Variants in TRABD2B observed in about 807,000 individuals in gnomAD.
The protein encoded by TRABD2B is TraB domain containing 2B.
A neutral mutation model predicts 40.1 loss-of-function variants in TRABD2B; 14 were observed. That is an observed-to-expected ratio of 0.35 (90% CI 0.23 to 0.55). The LOEUF (loss-of-function observed/expected upper bound fraction) is 0.55, where lower values mean the gene tolerates loss of function less well. TRABD2B is among the 20% of genes least tolerant of loss of function. The pLI is 0.90. For synonymous variants in TRABD2B, 263 were observed against 277.0 expected, an observed-to-expected ratio of 0.95 and a Z score of 0.50; for missense variants, 541 against 648.6, an observed-to-expected ratio of 0.83 and a Z score of 1.80.
intron 3 of TRABD2B, among the ~76,000 whole-genome samples, chr1:47,798,846 C>T (rs888210541): frequency 2.6e-5 from 4 of 152,186 alleles, no homozygotes; most frequent in Non-Finnish European, 2.9e-5. Context: ...CAGACACAGC[C>T]CCACCTCCAA....
intron 6 of TRABD2B, among the ~76,000 whole-genome samples, chr1:47,767,073 C>G (rs1187194960): frequency 1.3e-5 from 2 of 152,060 alleles, no homozygotes; most frequent in Non-Finnish European, 2.9e-5. Flanking sequence ...CAGAGAGAGA[C>G]AGAGGCTAAC....
intron 2 of TRABD2B, among the ~76,000 whole-genome samples, chr1:47,989,297 G>T (rs1265457429): frequency 6.6e-6 from 1 of 152,214 alleles, no homozygotes; most frequent in Non-Finnish European, 1.5e-5. Flanking sequence ...TCAGAAGGGG[G>T]CTCCTTGCTG....
intron 6 of TRABD2B, among the ~76,000 whole-genome samples, chr1:47,772,398 G>T (rs1038543240): frequency 2.6e-5 from 4 of 151,866 alleles, no homozygotes; most frequent in African/African-American, 9.7e-5. Flanking sequence ...GTGAGGACAG[G>T]GGCAGCAGAC....
chr1:47,918,324 A>G (rs558252287), intron 2 of TRABD2B, among the ~76,000 whole-genome samples: 85 of 152,294 alleles, frequency 5.6e-4, no homozygotes, highest in Admixed American at 5.5e-3. Flanking sequence ...GAATAGGAAA[A>G]CATTAGCCAC....
At chr1:47,961,492 C>A (rs528357798) in intron 2 of TRABD2B, among the ~76,000 whole-genome samples, 1 of 152,312 alleles carries the variant, frequency 6.6e-6, no homozygotes, top group East Asian at 1.9e-4. Context: ...CCAGAATCTA[C>A]AAATAACTTA....
At chr1:47,791,765 G>C (rs1644676593) in intron 4 of TRABD2B, among the ~76,000 whole-genome samples, 1 of 152,212 alleles carries the variant, frequency 6.6e-6, no homozygotes, top group Non-Finnish European at 1.5e-5. Context: ...GGCCGGAGTG[G>C]ACTTCCCTCA....
intron 5 of TRABD2B, among the ~76,000 whole-genome samples, chr1:47,776,033 G>A (rs1280570076): frequency 6.6e-6 from 1 of 152,014 alleles, no homozygotes; most frequent in Non-Finnish European, 1.5e-5. Flanking sequence ...AGTCTCCTAC[G>A]CTGTGAAATG....
At chr1:47,913,959 G>A (rs1031775905) in intron 2 of TRABD2B, among the ~76,000 whole-genome samples, 8 of 152,190 alleles carry the variant, frequency 5.3e-5, no homozygotes, top group African/African-American at 1.9e-4. Context: ...TTCAGCAACC[G>A]AATAAATGGC....
chr1:47,976,509 C>T (rs544190284), intron 2 of TRABD2B, among the ~76,000 whole-genome samples: 5 of 152,274 alleles, frequency 3.3e-5, no homozygotes, highest in South Asian at 2.1e-4. Context: ...AGAATACAGA[C>T]GACACACAAA....
chr1:47,875,769 G>A (rs1237595920), intron 2 of TRABD2B, among the ~76,000 whole-genome samples: 1 of 151,818 alleles, frequency 6.6e-6, no homozygotes, highest in Admixed American at 6.6e-5. Flanking sequence ...TCTACCTGCA[G>A]GGAGGTCATT....
intron 4 of TRABD2B, among the ~76,000 whole-genome samples, chr1:47,782,291 C>A (rs546956979): frequency 6.6e-6 from 1 of 152,280 alleles, no homozygotes; most frequent in East Asian, 1.9e-4. Flanking sequence ...TCCCAGAGGC[C>A]CCCTGCTGTG....
chr1:47,801,756 C>T, intron 2 of TRABD2B, 137 bp from the exon 3 acceptor site: 4 of 1,121,858 alleles, frequency 3.6e-6, no homozygotes, highest in Non-Finnish European at 4.9e-6. Flanking sequence ...CACCAGCTGG[C>T]TCAGGCTGTG....
intron 2 of TRABD2B, among the ~76,000 whole-genome samples, chr1:47,984,862 C>CCCCT (rs59526684): frequency 0.38 from 57,129 of 151,642 alleles, 10,978 homozygotes; most frequent in African/African-American, 0.45. Flanking sequence ...GATGCTGTGT[C>CCCCT]CCCTACCAAG....
At chr1:47,776,299 C>G (rs940034876) in intron 5 of TRABD2B, among the ~76,000 whole-genome samples, 6 of 152,156 alleles carry the variant, frequency 3.9e-5, no homozygotes, top group African/African-American at 1.2e-4. Flanking sequence ...CACAGCCCGG[C>G]TCCACAACTT....
rs537313993 is a variant in TRABD2B at position 47,789,554 on chromosome 1, A to C, written c.988+5032T>G. ...CTTGTCCTGGTCAGTTCTTGTGGCCAATTTCTCTTATGTCAAATAGTCTCA... is the reference window on the plus strand; with the variant it reads ...CTTGTCCTGGTCAGTTCTTGTGGCCCATTTCTCTTATGTCAAATAGTCTCA... On this transcript the variant is annotated intron_variant, in intron 4 of 6. Transcript: ENST00000606738. Among the ~76,000 whole-genome samples, 6 of 152,150 alleles carry C rather than the reference A, an allele frequency of 3.9e-5. No individual in the cohort carries two copies. In the South Asian group the frequency reaches 1.2e-3, roughly 32 times the overall value.
intron 2 of TRABD2B, among the ~76,000 whole-genome samples, chr1:47,866,595 G>A (rs1422430164): frequency 2.6e-5 from 4 of 152,124 alleles, no homozygotes; most frequent in African/African-American, 9.7e-5. Flanking sequence ...ACTATCACCA[G>A]CACAAACTTC....
At chr1:47,838,729 T>C (rs954839560) in intron 2 of TRABD2B, among the ~76,000 whole-genome samples, 2 of 152,192 alleles carry the variant, frequency 1.3e-5, no homozygotes, top group South Asian at 4.1e-4. Flanking sequence ...TGCAGTCACA[T>C]GGCTGACAGA....
chr1:47,770,241 G>A (rs1275447158), intron 6 of TRABD2B, among the ~76,000 whole-genome samples: 1 of 152,208 alleles, frequency 6.6e-6, no homozygotes, highest in Non-Finnish European at 1.5e-5. Context: ...AGATCTCACT[G>A]TGATCACTTA....
intron 2 of TRABD2B, among the ~76,000 whole-genome samples, chr1:47,823,416 T>C (rs893496176): frequency 6.6e-6 from 1 of 152,242 alleles, no homozygotes; most frequent in African/African-American, 2.4e-5. Context: ...CCAGCTGCCA[T>C]TCTACAGAGG....
Sources: allele counts gnomAD v4.1 joint callset (sites outside exome capture counted in the v4.1 genomes callset), GRCh38; gene constraint gnomAD v4.1.1; transcripts MANE v1.5; gene names NCBI Gene and HGNC (gene_info 2026-07-23, HGNC 2026-07-21).